The following CERKL variants were observed in gnomAD, a reference collection of about 807,000 sequenced individuals.
CERKL encodes the protein ceramide kinase-like protein.
CERKL carries 61 observed loss-of-function variants against 63.4 expected under a neutral mutation model. That is an observed-to-expected ratio of 0.96 (90% confidence interval 0.78 to 1.19). CERKL has a LOEUF of 1.19. CERKL is among the 50% of genes most tolerant of loss of function. The pLI, the probability that CERKL is intolerant of heterozygous loss-of-function variation, is 0.00. For synonymous variants in CERKL, 250 were observed against 230.5 expected (o/e 1.08, Z -0.77); for missense variants, 675 against 655.5 (o/e 1.03, Z -0.33).
At chr2:181,554,164 C>CAAAAAAAAAAAAAAAAAAAAAA (rs36086391) in intron 5 of CERKL, among the ~76,000 whole-genome samples, 1 of 94,284 alleles carries the variant, frequency 1.1e-5, no homozygotes, top group Non-Finnish European at 2.1e-5. Flanking sequence ...ACTATGGAGG[C>CAAAAAAAAAAAAAAAAAAAAAA]AAAAAAAAAA....
At chr2:181,539,305 C>G in intron 11 of CERKL, 41 bp from the exon 12 acceptor site, 1 of 1,318,926 alleles carries the variant, frequency 7.6e-7, no homozygotes, top group Non-Finnish European at 1.1e-6. Flanking sequence ...TGGTTTATCT[C>G]TAGCTACTAA....
chr2:181,605,894 T>C (rs1455705793), intron 1 of CERKL, among the ~76,000 whole-genome samples: 2 of 151,992 alleles, frequency 1.3e-5, no homozygotes, highest in African/African-American at 2.4e-5. Context: ...AGTGAGGATG[T>C]TCATATGCTC....
chr2:181,591,158 C>A (rs1375887298), intron 2 of CERKL, among the ~76,000 whole-genome samples: 1 of 152,062 alleles, frequency 6.6e-6, no homozygotes. Context: ...AAAGTACATA[C>A]TGAACGTTAC....
chr2:181,555,703 T>C (rs1301158160), intron 5 of CERKL, among the ~76,000 whole-genome samples: 1 of 152,160 alleles, frequency 6.6e-6, no homozygotes, highest in Middle Eastern at 3.2e-3. Context: ...TGTGTGACTT[T>C]TTAAAAGTTG....
At chr2:181,634,748 G>C (rs1269267702) in intron 1 of CERKL, among the ~76,000 whole-genome samples, 4 of 152,068 alleles carry the variant, frequency 2.6e-5, no homozygotes, top group African/African-American at 9.7e-5. Flanking sequence ...ATATAAACAA[G>C]AACTCTTCAC....
chr2:181,561,595 TTG>T (rs1450491663), intron 4 of CERKL, among the ~76,000 whole-genome samples: 5 of 152,180 alleles, frequency 3.3e-5, no homozygotes, highest in Non-Finnish European at 7.4e-5. Context: ...AAGCTATCAT[TTG>T]CAGGAGAAAT....
chr2:181,616,596 G>C (rs183555922), intron 1 of CERKL, among the ~76,000 whole-genome samples: 1 of 152,276 alleles, frequency 6.6e-6, no homozygotes, highest in East Asian at 1.9e-4. Flanking sequence ...CATTAAAAAT[G>C]TTAAATTACA....
intron 4 of CERKL, among the ~76,000 whole-genome samples, chr2:181,560,314 T>G (rs78799131): frequency 6.6e-6 from 1 of 152,152 alleles, no homozygotes; most frequent in Admixed American, 6.5e-5. Context: ...CTTACATACA[T>G]AGGATGCGAA....
chr2:181,557,496 G>T (rs1688263998), intron 5 of CERKL, among the ~76,000 whole-genome samples: 1 of 152,144 alleles, frequency 6.6e-6, no homozygotes, highest in Non-Finnish European at 1.5e-5. Flanking sequence ...GTTAAATAGG[G>T]ATGAGTGATT....
chr2:181,640,434 C>T (rs572939466), intron 1 of CERKL, among the ~76,000 whole-genome samples: 2 of 152,226 alleles, frequency 1.3e-5, no homozygotes, highest in South Asian at 4.1e-4. Flanking sequence ...GGTCAGAAGT[C>T]TGTGTTTAGG....
chr2:181,635,650 G>A (rs1472114230), intron 1 of CERKL, among the ~76,000 whole-genome samples: 1 of 152,068 alleles, frequency 6.6e-6, no homozygotes, highest in African/African-American at 2.4e-5. Context: ...CTGCACAGAT[G>A]GACACTAAAC....
In CERKL at chr2:181,647,980, A is replaced by G. The variant is rs1687739638; in HGVS notation, c.238+8789T>C. Among the ~76,000 whole-genome samples the G allele has an allele frequency of 2.6e-5, 4 of 152,138 alleles. 1 individual carries two copies. Among genetic ancestry groups the G allele is most frequent in the Admixed American group, 1.3e-4 (2 of 15,264 alleles). ...TTCAAGAATAGACCAGATCAAGCAG[A>G]AGAAAGAATTTCAAAATCTGAAAAT... On this transcript the variant is annotated intron_variant, in intron 1 of 12. Coordinates refer to ENST00000410087, the MANE Select transcript of CERKL (RefSeq NM_201548.5).
At chr2:181,569,119 C>T (rs1688794654) in intron 3 of CERKL, among the ~76,000 whole-genome samples, 1 of 152,194 alleles carries the variant, frequency 6.6e-6, no homozygotes, top group South Asian at 2.1e-4. Flanking sequence ...TGTATATACC[C>T]CATTAGTGAG....
intron 4 of CERKL, among the ~76,000 whole-genome samples, chr2:181,561,239 T>C (rs1387083857): frequency 3.9e-5 from 6 of 152,056 alleles, no homozygotes; most frequent in Middle Eastern, 3.4e-3. Flanking sequence ...TGAAACCCCA[T>C]CTCTATTAAA....
chr2:181,570,261 A>G (rs1404264470), intron 3 of CERKL, among the ~76,000 whole-genome samples: 2 of 152,138 alleles, frequency 1.3e-5, no homozygotes, highest in East Asian at 3.9e-4. Flanking sequence ...GGCCAAGCCA[A>G]AGTTGAGTGC....
In CERKL at chr2:181,539,286, C is replaced by G. The variant is rs1019145739; in HGVS notation, c.1366-22G>C. On this transcript the variant is annotated intron_variant, in intron 11 of 12. Coordinates refer to ENST00000410087, the MANE Select transcript of CERKL (RefSeq NM_201548.5). ...TGAACTAAAAATAAATACAAATAATCATTATACTTGGTTTATCTCTAGCTA... is the reference window on the plus strand; with the variant it reads ...TGAACTAAAAATAAATACAAATAATGATTATACTTGGTTTATCTCTAGCTA... 8.1e-6 allele frequency: 12 copies of G among 1,477,068 alleles called. No individual in the cohort carries two copies. The Admixed American group carries it at 1.8e-4, about 23-fold the overall frequency. The allele number at this position is 1,477,068 out of a possible 1,614,324, so 91.5% of individuals were successfully genotyped here.
chr2:181,554,455 T>C (rs369192587), intron 5 of CERKL, among the ~76,000 whole-genome samples: 1 of 152,206 alleles, frequency 6.6e-6, no homozygotes, highest in African/African-American at 2.4e-5. Context: ...GCAAACTCTA[T>C]AGGAATATAT....
intron 2 of CERKL, among the ~76,000 whole-genome samples, chr2:181,584,405 G>C (rs1164578338): frequency 6.6e-6 from 1 of 151,988 alleles, no homozygotes; most frequent in African/African-American, 2.4e-5. Flanking sequence ...TCAACTACTA[G>C]GGAGGTTGAG....
At chr2:181,611,232 A>G (rs1685956976) in intron 1 of CERKL, among the ~76,000 whole-genome samples, 1 of 151,844 alleles carries the variant, frequency 6.6e-6, no homozygotes, top group Non-Finnish European at 1.5e-5. Flanking sequence ...CAAAAAAATA[A>G]TAATAATAAA....
Sources: allele counts gnomAD v4.1 joint callset (sites outside exome capture counted in the v4.1 genomes callset), GRCh38; gene constraint gnomAD v4.1.1; transcripts MANE v1.5; gene names NCBI Gene and HGNC (gene_info 2026-07-23, HGNC 2026-07-21).